Variants in TECTA observed in about 807,000 individuals in gnomAD.
TECTA encodes the protein alpha-tectorin.
In TECTA, 128 loss-of-function variants were observed where a neutral mutation model predicts 216.8. That is an observed-to-expected ratio of 0.59 (90% CI 0.51 to 0.68). The LOEUF (loss-of-function observed/expected upper bound fraction) is 0.68. Among genes scored for constraint, TECTA ranks in the 30% least tolerant of loss-of-function variants. TECTA has a pLI of 0.00. For missense variants in TECTA, 2,551 were observed against 2,786.2 expected (o/e 0.92, Z 1.90); for synonymous variants, 1,089 against 1,117.1 (o/e 0.97, Z 0.50).
intron 15 of TECTA, among the ~76,000 whole-genome samples, chr11:121,161,539 CT>C (rs1338511433): frequency 7.5e-5 from 8 of 106,560 alleles, no homozygotes; most frequent in African/African-American, 1.4e-4. Context: ...CCTTCCCTCC[CT>C]CCTTCCCTTC....
chr11:121,183,377 T>C (rs1404785526), intron 20 of TECTA, among the ~76,000 whole-genome samples: 1 of 152,152 alleles, frequency 6.6e-6, no homozygotes, highest in Non-Finnish European at 1.5e-5. Flanking sequence ...ATGTGGAGTC[T>C]GGGTAGCTTC....
chr11:121,149,457 T>C (rs1403899694), intron 12 of TECTA, among the ~76,000 whole-genome samples: 1 of 152,246 alleles, frequency 6.6e-6, no homozygotes, highest in Non-Finnish European at 1.5e-5. Context: ...CTACTGTGAA[T>C]TGCAGAAGTT....
chr11:121,141,499 C>CAGGGT, intron 11 of TECTA, among the ~76,000 whole-genome samples: 1 of 152,332 alleles, frequency 6.6e-6, no homozygotes, highest in South Asian at 2.1e-4. Context: ...ATAGACCAGA[C>CAGGGT]AGGGTAGGGG....
chr11:121,137,533 G>A lies in TECTA; in HGVS notation c.3054G>A (p.Gln1018=). ...ICVDSCSEGC[Q]CDEGYALLGS... is the part of the protein sequence containing the mutation. Reference sequence around the variant, plus strand: ...TGGATAGCTGCTCTGAGGGATGTCAGTGTGATGAGGGCTATGCTCTACTGG... The same window carrying A: ...TGGATAGCTGCTCTGAGGGATGTCAATGTGATGAGGGCTATGCTCTACTGG... Residue 1018 remains glutamine (Q), a synonymous_variant, in exon 11 of 24, where the codon CAG becomes CAA. Coordinates refer to ENST00000392793, the MANE Select transcript of TECTA (RefSeq NM_005422.4). 1 of 1,613,998 alleles carries A rather than the reference G, an allele frequency of 6.2e-7. No individual in the cohort carries two copies.
At chr11:121,128,473 C>T (rs772633518) in intron 9 of TECTA, 129 bp downstream of exon 9, 13 of 826,690 alleles carry the variant, frequency 1.6e-5, no homozygotes, top group Middle Eastern at 7.3e-4. Flanking sequence ...TGGCTCCAAA[C>T]GGGAGCGTTT....
chr11:121,181,465 T>TATTATTATG, intron 20 of TECTA, among the ~76,000 whole-genome samples: 1 of 150,892 alleles, frequency 6.6e-6, no homozygotes, highest in South Asian at 2.1e-4. Context: ...TTATTATTAT[T>TATTATTATG]ATTATTATGA....
At position 121,109,481 on chromosome 11, in the gene TECTA, G is replaced by A; in HGVS notation, c.469G>A (p.Gly157Ser). The A allele has an allele frequency of 6.2e-7, 1 of 1,614,142 alleles. No homozygotes were observed. Among genetic ancestry groups the A allele is most frequent in the Non-Finnish European group, 8.5e-7 (1 of 1,180,024 alleles). Residue 157 changes from glycine to serine, a missense_variant, in exon 4 of 24, where the codon GGC becomes AGC. Transcript: ENST00000392793. The stretch of plus-strand genomic sequence containing the variant: ...ATGGGAGGAAGTCACGTTTTATGGA[G>A]GCAGCAGCACCACACCTGTAATAAT... ...VTWEEVTFYGGSSTTPVNTFQ... is the reference protein window; with the variant it reads ...VTWEEVTFYGSSSTTPVNTFQ...
Position 121,160,275 on chromosome 11 carries a change from CA to C in TECTA, c.4831del (p.Ser1611AlafsTer19), listed in dbSNP as rs754807498. 1 of 1,614,220 alleles carries C rather than the reference CA, an allele frequency of 6.2e-7. No individual in the cohort carries two copies. The highest frequency in any genetic ancestry group is 8.5e-7 in the Non-Finnish European group (1 of 1,180,046). On this transcript the variant is annotated frameshift_variant, in exon 15 of 24. Coordinates refer to ENST00000392793, the MANE Select transcript of TECTA (RefSeq NM_005422.4). LOFTEE classifies it high-confidence loss of function. The stretch of plus-strand genomic sequence containing the variant: ...GTTTCAACGTCATTAAAATCAGCAT[CA>C]GCGAGAGGCTGCAGAACAAAGTGTG... Reference protein sequence around the residue: ...NGFNVIKISISERLQNKVCGL... With the variant: ...NGFNVIKISIXERLQNKVCGL...
chr11:121,125,539 A>G lies in TECTA; in HGVS notation c.1441A>G (p.Met481Val). ...DFLRPDGRPA[M>V]SVLDLGESWR... Reference sequence around the variant, plus strand: ...CCTCCGCCCGGATGGCAGGCCGGCCATGTCTGTCCTGGATCTGGGAGAGAG... The same window carrying G: ...CCTCCGCCCGGATGGCAGGCCGGCCGTGTCTGTCCTGGATCTGGGAGAGAG... The change falls in exon 8 of 24, where the codon ATG (methionine) becomes GTG (valine). Residue 481 changes from methionine to valine, a missense_variant. Transcript: ENST00000392793. The G allele has an allele frequency of 1.9e-6, 3 of 1,614,172 alleles. No homozygotes were observed. Among genetic ancestry groups the G allele is most frequent in the Non-Finnish European group, 2.5e-6 (3 of 1,180,038 alleles).
At chr11:121,108,222 C>G (rs1047961553) in intron 3 of TECTA, among the ~76,000 whole-genome samples, 1 of 151,944 alleles carries the variant, frequency 6.6e-6, no homozygotes, top group Admixed American at 6.6e-5. Context: ...CTGAATCTGT[C>G]TTTAGTACCC....
At chr11:121,157,290 T>C (rs773074389) in intron 13 of TECTA, among the ~76,000 whole-genome samples, 5 of 152,128 alleles carry the variant, frequency 3.3e-5, no homozygotes, top group Non-Finnish European at 7.4e-5. Context: ...GCCACAAAGA[T>C]TTCAGAGTTC....
chr11:121,188,135 G>A (rs1947306089), intron 21 of TECTA, 141 bp downstream of exon 21: 8 of 848,164 alleles, frequency 9.4e-6, no homozygotes, highest in African/African-American at 1.7e-5. Context: ...TGATGGGACA[G>A]TGAGAGAAAA....
rs148850520 is a variant in TECTA at position 121,127,695 on chromosome 11, G to A, written c.1775-57G>A. 1.3e-6 allele frequency: 2 copies of A among 1,593,072 alleles called. No homozygotes were observed. Among genetic ancestry groups the A allele is most frequent in the African/African-American group, 1.3e-5 (1 of 74,592 alleles). Reference sequence around the variant, plus strand: ...AGGAGGAGCGTTAAGATTCTGGCGGGTTAGCACTCCGGGTCCATTCACCTT... The same window carrying A: ...AGGAGGAGCGTTAAGATTCTGGCGGATTAGCACTCCGGGTCCATTCACCTT... On this transcript the variant is annotated intron_variant, in intron 8 of 23. Transcript: ENST00000392793. The surrounding 1 kb of genome is among the most constrained non-coding windows in gnomAD (Gnocchi z 5.0).
chr11:121,106,482 G>A (rs750559325), intron 3 of TECTA, among the ~76,000 whole-genome samples: 1 of 152,132 alleles, frequency 6.6e-6, no homozygotes, highest in Non-Finnish European at 1.5e-5. Flanking sequence ...GGGTCTCATC[G>A]CCCAACCCAC....
Position 121,128,083 on chromosome 11 carries a change from C to T in TECTA, c.2106C>T (p.Tyr702=). The change falls in exon 9 of 24, where the codon TAC becomes TAT. Residue 702 remains tyrosine, a synonymous_variant. Coordinates refer to ENST00000392793, the MANE Select transcript of TECTA (RefSeq NM_005422.4). ...SGEVCAVEDG[Y]QGCFPKRETV... ...AGGTGTGCGCCGTGGAGGACGGCTA[C>T]CAGGGCTGCTTCCCCAAGCGGGAGA... 6.2e-7 allele frequency: 1 copy of T among 1,612,826 alleles called. No homozygotes were observed. The highest frequency in any genetic ancestry group is 8.5e-7 in the Non-Finnish European group (1 of 1,179,642).
At chr11:121,189,707 A>G in intron 22 of TECTA, 57 bp from the exon 23 acceptor site, 2 of 1,510,800 alleles carry the variant, frequency 1.3e-6, no homozygotes, top group Non-Finnish European at 9.2e-7. Flanking sequence ...CTTCCCTTCA[A>G]TACCAGTGGA....
intron 7 of TECTA, among the ~76,000 whole-genome samples, chr11:121,125,036 G>A (rs925438035): frequency 6.6e-6 from 1 of 152,366 alleles, no homozygotes. Flanking sequence ...CAACCACACA[G>A]TCCCCAGAGG....
intron 15 of TECTA, among the ~76,000 whole-genome samples, chr11:121,161,673 C>T (rs779431112): frequency 7.3e-5 from 11 of 150,146 alleles, no homozygotes; most frequent in Non-Finnish European, 1.5e-4. Flanking sequence ...AGAAACCTTC[C>T]TTTCAAATCT....
intron 11 of TECTA, among the ~76,000 whole-genome samples, chr11:121,142,424 G>T (rs1301459937): frequency 6.6e-6 from 1 of 152,150 alleles, no homozygotes; most frequent in Non-Finnish European, 1.5e-5. Flanking sequence ...GGCAGCATGC[G>T]TGGGGTTTCT....
Sources: allele counts gnomAD v4.1 joint callset (sites outside exome capture counted in the v4.1 genomes callset), GRCh38; gene constraint gnomAD v4.1.1; non-coding constraint Gnocchi (gnomAD v3.1); transcripts MANE v1.5; gene names NCBI Gene and HGNC (gene_info 2026-07-23, HGNC 2026-07-21).